The following COG5 variants were observed in gnomAD, a reference collection of about 807,000 sequenced individuals.
The protein encoded by COG5 is conserved oligomeric Golgi complex subunit 5.
A neutral mutation model predicts 110.4 loss-of-function variants in COG5; 86 were observed. The ratio of observed to expected loss-of-function variants is 0.78; its 90% CI spans 0.65 to 0.93. COG5 has a LOEUF of 0.93. Ranked by LOEUF, COG5 falls within the 40% of genes least tolerant of loss-of-function variation. The pLI, the probability that COG5 is intolerant of heterozygous loss-of-function variation, is 0.00. For synonymous variants in COG5, 360 were observed against 334.6 expected (o/e 1.08, Z -0.83); for missense variants, 1,077 against 987.0 (o/e 1.09, Z -1.22).
At chr7:107,490,090 A>T (rs1797893931) in intron 6 of COG5, among the ~76,000 whole-genome samples, 1 of 152,192 alleles carries the variant, frequency 6.6e-6, no homozygotes, top group African/African-American at 2.4e-5. Context: ...TTAAAGGAAT[A>T]AATTATTTTT....
rs367690208 is a variant in COG5 at position 107,211,039 on chromosome 7, G to A, written c.2295+60C>T. 2.0e-3 allele frequency: 3,145 copies of A among 1,589,490 alleles called. 14 individuals carry two copies. Among genetic ancestry groups the A allele is most frequent in the Middle Eastern group, 0.014 (86 of 6,022 alleles). On this transcript the variant is annotated intron_variant, in intron 20 of 21. Transcript: ENST00000297135. ...GAATCATTCAGTGAGTAGGGGCTCA[G>A]GATTCACACAGGTAATGGGAAGAGT...
chr7:107,529,985 A>T (rs1265612489), intron 5 of COG5, among the ~76,000 whole-genome samples: 1 of 152,176 alleles, frequency 6.6e-6, no homozygotes, highest in African/African-American at 2.4e-5. Context: ...TTCCTCTGAG[A>T]TTTTAAATAC....
chr7:107,339,838 C>T (rs536150536), intron 10 of COG5, among the ~76,000 whole-genome samples: 1 of 150,932 alleles, frequency 6.6e-6, no homozygotes, highest in South Asian at 2.1e-4. Flanking sequence ...GATAACATAC[C>T]GAAATCTCTG....
intron 12 of COG5, among the ~76,000 whole-genome samples, chr7:107,287,323 T>G (rs537251983): frequency 9.9e-5 from 15 of 152,220 alleles, no homozygotes; most frequent in Non-Finnish European, 1.9e-4. Flanking sequence ...GTGTGACTTG[T>G]GTAGTAAGCT....
At chr7:107,563,552 G>GA in intron 1 of COG5, 2 of 500,768 alleles carry the variant, frequency 4.0e-6, no homozygotes, top group South Asian at 2.2e-5. Context: ...CATGGGGGGG[G>GA]GGGGGGTCGA....
At chr7:107,285,323 A>G (rs1805536652) in intron 12 of COG5, among the ~76,000 whole-genome samples, 1 of 152,114 alleles carries the variant, frequency 6.6e-6, no homozygotes, top group Non-Finnish European at 1.5e-5. Flanking sequence ...CACTATTTTT[A>G]CTCATGACAT....
In COG5 at chr7:107,221,030, T is replaced by C. The variant is rs183576616; in HGVS notation, c.2168+9585A>G. Among the ~76,000 whole-genome samples the C allele has an allele frequency of 2.7e-3, 415 of 152,120 alleles. 2 individuals are homozygous for C. The highest frequency in any genetic ancestry group is 9.5e-3 in the African/African-American group (396 of 41,510). On this transcript the variant is annotated intron_variant, in intron 19 of 21. Transcript: ENST00000297135. Reference sequence around the variant, plus strand: ...GGGGGTTTCACGATGTTGGTCAGGCTGGTCTCAAATTCCTGACCTCAAGTG... The same window carrying C: ...GGGGGTTTCACGATGTTGGTCAGGCCGGTCTCAAATTCCTGACCTCAAGTG...
intron 12 of COG5, 44 bp downstream of exon 12, chr7:107,298,098 T>A (rs745531077): frequency 3.1e-6 from 3 of 952,702 alleles, no homozygotes; most frequent in Non-Finnish European, 4.5e-6. Context: ...AAAATAAAAA[T>A]AAAATTAAGA....
At chr7:107,501,164 A>G (rs1329176124) in intron 6 of COG5, among the ~76,000 whole-genome samples, 2 of 152,142 alleles carry the variant, frequency 1.3e-5, no homozygotes, top group Non-Finnish European at 2.9e-5. Context: ...ACAGTCAACA[A>G]TAGAATAAGC....
At chr7:107,457,052 A>G (rs1034078613) in intron 6 of COG5, among the ~76,000 whole-genome samples, 2 of 152,238 alleles carry the variant, frequency 1.3e-5, no homozygotes, top group Non-Finnish European at 2.9e-5. Flanking sequence ...TTCCAACAAC[A>G]TGACCAGCAC....
chr7:107,214,814 T>G (rs1026890927), intron 19 of COG5, among the ~76,000 whole-genome samples: 2 of 151,168 alleles, frequency 1.3e-5, no homozygotes, highest in Non-Finnish European at 2.9e-5. Flanking sequence ...CCCAGCTACT[T>G]AGGAGGCTGA....
chr7:107,382,537 G>A (rs962807682), intron 7 of COG5, among the ~76,000 whole-genome samples: 3 of 152,130 alleles, frequency 2.0e-5, no homozygotes, highest in African/African-American at 7.2e-5. Flanking sequence ...CTGGGTTCAA[G>A]CGATTCTCCT....
intron 7 of COG5, among the ~76,000 whole-genome samples, chr7:107,400,583 G>A (rs1316163065): frequency 6.6e-6 from 1 of 152,012 alleles, no homozygotes; most frequent in East Asian, 1.9e-4. Context: ...AATTCTATAT[G>A]AAATACAATA....
intron 7 of COG5, among the ~76,000 whole-genome samples, chr7:107,393,721 T>C (rs576699225): frequency 5.3e-5 from 8 of 152,290 alleles, no homozygotes; most frequent in African/African-American, 1.7e-4. Context: ...TTGTAAAAGA[T>C]CTCAAACAGA....
At chr7:107,216,528 G>A (rs942446557) in intron 19 of COG5, among the ~76,000 whole-genome samples, 1 of 152,298 alleles carries the variant, frequency 6.6e-6, no homozygotes, top group East Asian at 1.9e-4. Flanking sequence ...AAATTTAGGA[G>A]AAATGAAATC....
At chr7:107,522,808 T>C (rs1302999343) in intron 6 of COG5, among the ~76,000 whole-genome samples, 1 of 152,200 alleles carries the variant, frequency 6.6e-6, no homozygotes, top group East Asian at 1.9e-4. Context: ...TTGAAAAGAC[T>C]ATTTTTTTCT....
At chr7:107,451,609 G>A (rs748696433) in intron 6 of COG5, among the ~76,000 whole-genome samples, 3 of 151,882 alleles carry the variant, frequency 2.0e-5, no homozygotes, top group African/African-American at 4.8e-5. Flanking sequence ...CTGCCTCTGC[G>A]ACCCTAAGAC....
At chr7:107,339,263 A>G (rs1810980745) in intron 10 of COG5, among the ~76,000 whole-genome samples, 1 of 152,128 alleles carries the variant, frequency 6.6e-6, no homozygotes. Flanking sequence ...AACAACAGTA[A>G]AAAACGATAA....
intron 6 of COG5, among the ~76,000 whole-genome samples, chr7:107,445,957 C>T (rs1350076509): frequency 6.6e-6 from 1 of 152,160 alleles, no homozygotes; most frequent in African/African-American, 2.4e-5. Flanking sequence ...GCCCACTGCA[C>T]AACTTGACAA....
Sources: gnomAD v4.1 joint callset for allele counts (sites outside exome capture counted in the v4.1 genomes callset) on GRCh38, gnomAD v4.1.1 for gene constraint, MANE v1.5 for transcripts, NCBI Gene and HGNC (gene_info 2026-07-23, HGNC 2026-07-21) for gene names.